The following JAM3 variants were observed in gnomAD, a reference collection of about 807,000 sequenced individuals.
JAM3 encodes the protein junctional adhesion molecule 3.
A neutral mutation model predicts 39.4 loss-of-function variants in JAM3; 31 were observed. That is an observed-to-expected ratio of 0.79 (90% CI 0.59 to 1.06). The LOEUF (loss-of-function observed/expected upper bound fraction) is 1.06, where lower values mean the gene tolerates loss of function less well. Ranked by LOEUF, JAM3 falls within the 50% of genes least tolerant of loss-of-function variation. The pLI is 0.00. For synonymous variants in JAM3, 182 were observed against 148.7 expected, an observed-to-expected ratio of 1.22 and a Z score of -1.63; for missense variants, 455 against 391.4, an observed-to-expected ratio of 1.16 and a Z score of -1.37.
intron 6 of JAM3, 73 bp downstream of exon 6, chr11:134,146,118 C>T (rs111246151): frequency 9.6e-7 from 1 of 1,041,582 alleles, no homozygotes; most frequent in African/African-American, 1.6e-5. Flanking sequence ...TAATATTATA[C>T]CATCAGCTTA....
chr11:134,108,515 C>T (rs924352322), intron 1 of JAM3, among the ~76,000 whole-genome samples: 7 of 152,044 alleles, frequency 4.6e-5, no homozygotes, highest in Non-Finnish European at 7.4e-5. Context: ...AACATAGATG[C>T]AAAAATTTCA....
At chr11:134,142,485 TCAG>T (rs1382955777) in intron 3 of JAM3, among the ~76,000 whole-genome samples, 1 of 152,246 alleles carries the variant, frequency 6.6e-6, no homozygotes, top group Non-Finnish European at 1.5e-5. Flanking sequence ...CATGTCCTTG[TCAG>T]CAGTTGTCAG....
At chr11:134,135,884 C>T (rs1455355407) in intron 1 of JAM3, among the ~76,000 whole-genome samples, 10 of 152,142 alleles carry the variant, frequency 6.6e-5, no homozygotes, top group East Asian at 1.9e-4. Context: ...GTCTGGCCAA[C>T]GTGGTGAAAC....
At chr11:134,114,307 A>C (rs189595713) in intron 1 of JAM3, among the ~76,000 whole-genome samples, 1 of 152,250 alleles carries the variant, frequency 6.6e-6, no homozygotes, top group African/African-American at 2.4e-5. Flanking sequence ...TAGGGTTTTT[A>C]TGGTTTTAGG....
chr11:134,125,474 T>C (rs1164348026), intron 1 of JAM3, among the ~76,000 whole-genome samples: 3 of 152,208 alleles, frequency 2.0e-5, no homozygotes, highest in Non-Finnish European at 2.9e-5. Flanking sequence ...CTGGATAGAT[T>C]TTAATATTGT....
At chr11:134,117,668 T>C (rs35013203) in intron 1 of JAM3, among the ~76,000 whole-genome samples, 3 of 152,240 alleles carry the variant, frequency 2.0e-5, no homozygotes, top group Admixed American at 2.0e-4. Context: ...TTTCCTCTTG[T>C]TGATATGACA....
At chr11:134,078,900 A>G (rs935791441) in intron 1 of JAM3, among the ~76,000 whole-genome samples, 13 of 152,126 alleles carry the variant, frequency 8.5e-5, no homozygotes, top group African/African-American at 3.1e-4. Flanking sequence ...TTAGCCTGGT[A>G]TGGTGACATG....
At chr11:134,121,821 G>GCGCACACACACACACACACA (rs369702081) in intron 1 of JAM3, among the ~76,000 whole-genome samples, 2 of 148,422 alleles carry the variant, frequency 1.3e-5, no homozygotes, top group African/African-American at 2.5e-5. Context: ...GCATGTGTGC[G>GCGCACACACACACACACACA]CACACACACA....
intron 1 of JAM3, among the ~76,000 whole-genome samples, chr11:134,135,208 G>T (rs1942842590): frequency 6.6e-6 from 1 of 152,200 alleles, no homozygotes; most frequent in East Asian, 1.9e-4. Flanking sequence ...CTTAATATAA[G>T]GGTCTAACTT....
intron 1 of JAM3, among the ~76,000 whole-genome samples, chr11:134,113,292 A>C (rs898700959): frequency 6.6e-6 from 1 of 151,364 alleles, no homozygotes; most frequent in African/African-American, 2.4e-5. Context: ...TGCTGCACCC[A>C]TTAACTCGTC....
chr11:134,137,922 A>G (rs1942898161), intron 1 of JAM3, among the ~76,000 whole-genome samples: 1 of 119,082 alleles, frequency 8.4e-6, no homozygotes, highest in African/African-American at 3.5e-5. Flanking sequence ...AGAAATGTTT[A>G]TGGCCAATAG....
intron 1 of JAM3, among the ~76,000 whole-genome samples, chr11:134,121,291 T>C (rs1171174384): frequency 6.6e-6 from 1 of 152,228 alleles, no homozygotes; most frequent in African/African-American, 2.4e-5. Flanking sequence ...AATAAGAAAC[T>C]GCAGTTGTTG....
chr11:134,079,837 G>A (rs1411191636), intron 1 of JAM3, among the ~76,000 whole-genome samples: 1 of 152,154 alleles, frequency 6.6e-6, no homozygotes, highest in Non-Finnish European at 1.5e-5. Flanking sequence ...GCATTTGAAG[G>A]TTTTGAAAAT....
At position 134,124,251 on chromosome 11, in the gene JAM3, G is replaced by A. The variant is rs1017842118; in HGVS notation, c.77-15600G>A. 5.5e-6 allele frequency: 6 copies of A among 1,085,954 alleles called. No individual in the cohort carries two copies. In the African/African-American group the frequency reaches 7.8e-5, roughly 14 times the overall value. 67.3% of individuals were successfully genotyped at this position (1,085,954 alleles called of 1,614,324 possible). On this transcript the variant is annotated intron_variant, in intron 1 of 8. Coordinates refer to ENST00000299106, the MANE Select transcript of JAM3 (RefSeq NM_032801.5). ...AAGTTCCTCTGGGAACTCGTTGAGA[G>A]TAGCACTGGTAGGGTTGTGAGTTAC...
At chr11:134,118,605 T>G (rs1468671553) in intron 1 of JAM3, among the ~76,000 whole-genome samples, 1 of 152,182 alleles carries the variant, frequency 6.6e-6, no homozygotes, top group Admixed American at 6.5e-5. Flanking sequence ...CCTTGTCTGC[T>G]CTGCTGCCTT....
chr11:134,101,832 T>C (rs470694), intron 1 of JAM3, among the ~76,000 whole-genome samples: 68,069 of 151,902 alleles, frequency 0.45, 18,146 homozygotes, highest in African/African-American at 0.76. Flanking sequence ...TTTGGGGGGC[T>C]GAGGTGAGAG....
chr11:134,091,539 T>C (rs1221995944), intron 1 of JAM3, among the ~76,000 whole-genome samples: 1 of 151,408 alleles, frequency 6.6e-6, no homozygotes, highest in East Asian at 1.9e-4. Flanking sequence ...GATAGATAGA[T>C]AGGCATGGTA....
chr11:134,114,909 TC>T (rs1942392995), intron 1 of JAM3, among the ~76,000 whole-genome samples: 1 of 152,232 alleles, frequency 6.6e-6, no homozygotes, highest in Non-Finnish European at 1.5e-5. Flanking sequence ...TGATTTTCTG[TC>T]CACTTGTTCT....
At chr11:134,115,953 C>T (rs1026412620) in intron 1 of JAM3, among the ~76,000 whole-genome samples, 1 of 151,984 alleles carries the variant, frequency 6.6e-6, no homozygotes, top group Non-Finnish European at 1.5e-5. Context: ...GTGCAGTGCC[C>T]TTCTCATCAT....
Sources: allele counts gnomAD v4.1 joint callset (sites outside exome capture counted in the v4.1 genomes callset), GRCh38; gene constraint gnomAD v4.1.1; transcripts MANE v1.5; gene names NCBI Gene and HGNC (gene_info 2026-07-23, HGNC 2026-07-21).